The following ROBO2 variants were observed in gnomAD, a reference collection of about 807,000 sequenced individuals.
The protein encoded by ROBO2 is roundabout guidance receptor 2, also known as roundabout homolog 2.
ROBO2 carries 53 observed loss-of-function variants against 160.8 expected under a neutral mutation model. That is an observed-to-expected ratio of 0.33 (90% CI 0.26 to 0.41). The LOEUF (loss-of-function observed/expected upper bound fraction) is 0.41, where lower values mean the gene tolerates loss of function less well. Ranked by LOEUF, ROBO2 falls within the 10% of genes least tolerant of loss-of-function variation. The pLI is 1.00. For missense variants in ROBO2, 1,577 were observed against 1,722.4 expected (o/e 0.92, Z 1.49); for synonymous variants, 664 against 611.7 (o/e 1.09, Z -1.26).
rs1490361772 is a variant in ROBO2, at chr3:76,701,111, A to G, written c.110-396903A>G. ...TTTAGGTCTTCCACAGCACCAAAGAATAAAAAATGCCCGCTTTTTGCAAAA... is the reference window on the plus strand; with the variant it reads ...TTTAGGTCTTCCACAGCACCAAAGAGTAAAAAATGCCCGCTTTTTGCAAAA... On this transcript the variant is annotated intron_variant, in intron 2 of 26. Transcript: ENST00000487694. Among the ~76,000 whole-genome samples the G allele has an allele frequency of 2.0e-5, 3 of 152,200 alleles. No homozygotes were observed. The East Asian group carries it at 5.8e-4, about 29-fold the overall frequency.
chr3:76,325,172 G>A (rs2072909568), intron 2 of ROBO2, among the ~76,000 whole-genome samples: 1 of 152,206 alleles, frequency 6.6e-6, no homozygotes, highest in African/African-American at 2.4e-5. Context: ...ATTTTTAAAT[G>A]CAACATTTTA....
At chr3:76,938,698 G>A (rs1041026967) in intron 2 of ROBO2, among the ~76,000 whole-genome samples, 6 of 151,856 alleles carry the variant, frequency 4.0e-5, no homozygotes, top group Admixed American at 1.3e-4. Context: ...GGCCAGGCGC[G>A]GTGGCTCACA....
At chr3:76,490,665 A>G (rs567206395) in intron 2 of ROBO2, among the ~76,000 whole-genome samples, 144 of 152,258 alleles carry the variant, frequency 9.5e-4, no homozygotes, top group African/African-American at 3.3e-3. Flanking sequence ...TATTTTTTTA[A>G]TTTAAAAAAA....
intron 2 of ROBO2, among the ~76,000 whole-genome samples, chr3:76,240,092 G>A (rs911666991): frequency 6.6e-6 from 1 of 152,102 alleles, no homozygotes; most frequent in African/African-American, 2.4e-5. Context: ...TTTCTGGAGT[G>A]GAGTAGTATT....
At chr3:76,718,619 A>G (rs974966084) in intron 2 of ROBO2, among the ~76,000 whole-genome samples, 1 of 152,206 alleles carries the variant, frequency 6.6e-6, no homozygotes, top group Non-Finnish European at 1.5e-5. Context: ...CCCCTCTGTG[A>G]TTATAAATAG....
chr3:77,293,768 A>G (rs2061630514), intron 2 of ROBO2, among the ~76,000 whole-genome samples: 1 of 143,012 alleles, frequency 7.0e-6, no homozygotes, highest in Middle Eastern at 3.6e-3. Flanking sequence ...CCCAGACATA[A>G]AGTAAAATTG....
intron 2 of ROBO2, among the ~76,000 whole-genome samples, chr3:76,783,518 T>G (rs533344022): frequency 2.0e-5 from 3 of 150,284 alleles, no homozygotes; most frequent in Admixed American, 1.3e-4. Context: ...TTCTTTCTTT[T>G]TTTTTTTTTT....
chr3:76,387,523 T>A (rs1227189496), intron 2 of ROBO2, among the ~76,000 whole-genome samples: 1 of 152,142 alleles, frequency 6.6e-6, no homozygotes. Context: ...AATTATGTGT[T>A]GCACATAATA....
intron 2 of ROBO2, among the ~76,000 whole-genome samples, chr3:76,951,705 T>A (rs2149179987): frequency 6.6e-6 from 1 of 152,316 alleles, no homozygotes; most frequent in East Asian, 1.9e-4. Context: ...ATCAATTGTT[T>A]TCTTGTTAAA....
At chr3:76,561,521 T>G (rs796610569) in intron 2 of ROBO2, among the ~76,000 whole-genome samples, 1 of 152,300 alleles carries the variant, frequency 6.6e-6, no homozygotes, top group South Asian at 2.1e-4. Context: ...CTGATTATTG[T>G]TAAGTGCCTA....
chr3:77,152,983 C>T (rs2077672030), intron 2 of ROBO2, among the ~76,000 whole-genome samples: 1 of 152,272 alleles, frequency 6.6e-6, no homozygotes, highest in East Asian at 1.9e-4. Context: ...TATGGAATTG[C>T]CAATTCTGGA....
intron 2 of ROBO2, among the ~76,000 whole-genome samples, chr3:76,949,183 C>G (rs1002635223): frequency 9.2e-5 from 14 of 151,778 alleles, no homozygotes; most frequent in African/African-American, 3.1e-4. Flanking sequence ...AATTCCAATA[C>G]CTGAAGCTCT....
At chr3:76,951,464 C>T (rs780090088) in intron 2 of ROBO2, among the ~76,000 whole-genome samples, 2 of 152,100 alleles carry the variant, frequency 1.3e-5, no homozygotes, top group African/African-American at 4.8e-5. Context: ...TTACATATAC[C>T]ACCCTGTGGT....
chr3:77,313,773 G>A (rs74850592), intron 2 of ROBO2, among the ~76,000 whole-genome samples: 6,263 of 152,084 alleles, frequency 0.041, 425 homozygotes, highest in African/African-American at 0.14. Flanking sequence ...TAGTAGAGAT[G>A]GGGTTTCTCC....
intron 2 of ROBO2, among the ~76,000 whole-genome samples, chr3:76,431,732 G>A (rs756704006): frequency 6.6e-6 from 1 of 152,064 alleles, no homozygotes; most frequent in Non-Finnish European, 1.5e-5. Context: ...TAAAGAAGGA[G>A]GGTGTTATGT....
intron 2 of ROBO2, among the ~76,000 whole-genome samples, chr3:77,140,302 TA>T (rs1264731281): frequency 6.6e-6 from 1 of 152,134 alleles, no homozygotes; most frequent in African/African-American, 2.4e-5. Context: ...TTTAAAATAA[TA>T]ACTAGATTCT....
chr3:76,573,269 G>A (rs1478483833), intron 2 of ROBO2, among the ~76,000 whole-genome samples: 1 of 151,966 alleles, frequency 6.6e-6, no homozygotes, highest in East Asian at 1.9e-4. Flanking sequence ...ACAAAAACTG[G>A]GGTTGATAAT....
At chr3:76,087,241 G>A (rs891461408) in intron 2 of ROBO2, among the ~76,000 whole-genome samples, 1 of 151,670 alleles carries the variant, frequency 6.6e-6, no homozygotes, top group African/African-American at 2.4e-5. Flanking sequence ...GAAAATGAAA[G>A]GCAAAGAAAA....
intron 2 of ROBO2, among the ~76,000 whole-genome samples, chr3:76,948,783 G>A (rs1232169718): frequency 6.4e-5 from 9 of 141,294 alleles, no homozygotes; most frequent in African/African-American, 2.4e-4. Flanking sequence ...TTGGCTCAGT[G>A]CAACCCCCGC....
Sources: allele counts gnomAD v4.1 joint callset (sites outside exome capture counted in the v4.1 genomes callset), GRCh38; gene constraint gnomAD v4.1.1; transcripts MANE v1.5; gene names NCBI Gene and HGNC (gene_info 2026-07-23, HGNC 2026-07-21).